Variants in GNAO1 observed in about 807,000 individuals in gnomAD.
The protein encoded by GNAO1 is G protein subunit alpha o1.
For synonymous variants in GNAO1, 164 were observed against 180.7 expected (o/e 0.91, Z 0.74); for missense variants, 166 against 478.7 (o/e 0.35, Z 6.10).
chr16:56,292,784 A>C lies in GNAO1; in HGVS notation c.303+16712A>C, dbSNP rs370698153. ...TTGCCTACTCTGAAAAGTATTTAAA[A>C]ATACTGGAGAAAGTATTAATACCTC... On this transcript the variant is annotated intron_variant, in intron 3 of 8. Coordinates refer to ENST00000262493, the MANE Select transcript of GNAO1 (RefSeq NM_020988.3). Among the ~76,000 whole-genome samples the C allele has an allele frequency of 4.6e-5, 7 of 152,354 alleles. No homozygotes were observed. The East Asian group carries it at 7.7e-4, about 17-fold the overall frequency.
At chr16:56,253,213 G>C (rs1267204964) in intron 2 of GNAO1, among the ~76,000 whole-genome samples, 2 of 152,146 alleles carry the variant, frequency 1.3e-5, no homozygotes, top group African/African-American at 4.8e-5. Flanking sequence ...CTGGTGCCAG[G>C]ACCCTTCACC....
intron 6 of GNAO1, chr16:56,347,687 C>T: frequency 1.0e-6 from 1 of 986,124 alleles, no homozygotes; most frequent in Non-Finnish European, 1.2e-6. Context: ...AGCAGAGACC[C>T]ACCGCCCTTC....
intron 4 of GNAO1, among the ~76,000 whole-genome samples, chr16:56,329,607 A>G (rs2037669293): frequency 6.6e-6 from 1 of 152,212 alleles, no homozygotes; most frequent in Non-Finnish European, 1.5e-5. Flanking sequence ...GTCTTCTGTC[A>G]TGGAGATACT....
At chr16:56,253,147 G>T (rs2036815144) in intron 2 of GNAO1, among the ~76,000 whole-genome samples, 1 of 152,166 alleles carries the variant, frequency 6.6e-6, no homozygotes, top group African/African-American at 2.4e-5. Flanking sequence ...GCCCCCTCTT[G>T]CCTGGCCCAG....
At chr16:56,241,278 G>T (rs1183624399) in intron 2 of GNAO1, among the ~76,000 whole-genome samples, 12 of 152,228 alleles carry the variant, frequency 7.9e-5, no homozygotes. Context: ...ATGAGTAGCA[G>T]TGCTGGGGAG....
At chr16:56,336,491 T>C (rs2037741289) in intron 5 of GNAO1, 2 of 448,708 alleles carry the variant, frequency 4.5e-6, no homozygotes, top group Admixed American at 7.7e-5. Context: ...GGCAGGTCTT[T>C]GAGTCATGAT....
At chr16:56,220,549 A>G (rs989370876) in intron 2 of GNAO1, among the ~76,000 whole-genome samples, 17 of 151,952 alleles carry the variant, frequency 1.1e-4, no homozygotes, top group Admixed American at 5.2e-4. Flanking sequence ...CCTTAGAAAA[A>G]TGCTCCTGCA....
intron 2 of GNAO1, among the ~76,000 whole-genome samples, chr16:56,231,119 C>G (rs537587982): frequency 1.3e-5 from 2 of 152,310 alleles, no homozygotes; most frequent in South Asian, 2.1e-4. Flanking sequence ...CAGGATGACA[C>G]CATTACCTGG....
chr16:56,344,568 T>A (rs2037843501), intron 6 of GNAO1: 8 of 986,104 alleles, frequency 8.1e-6, no homozygotes, highest in Non-Finnish European at 8.4e-6. Context: ...CCCAGAGAAC[T>A]CCCATCCCTG....
intron 3 of GNAO1, among the ~76,000 whole-genome samples, chr16:56,292,616 C>T (rs1358302206): frequency 2.6e-5 from 4 of 152,142 alleles, no homozygotes; most frequent in African/African-American, 9.7e-5. Context: ...CCCACCTCAG[C>T]CTCCCAAAGT....
chr16:56,203,224 G>A (rs1596794398), intron 2 of GNAO1, among the ~76,000 whole-genome samples: 1 of 152,064 alleles, frequency 6.6e-6, no homozygotes, highest in Non-Finnish European at 1.5e-5. Flanking sequence ...CTCCAGTGGG[G>A]CTGCCAGTCA....
intron 3 of GNAO1, among the ~76,000 whole-genome samples, chr16:56,284,982 G>C (rs1016780992): frequency 2.0e-5 from 3 of 152,212 alleles, no homozygotes; most frequent in Non-Finnish European, 2.9e-5. Context: ...AGCCTCCAGG[G>C]CTCCAGCACA....
Position 56,191,600 on chromosome 16 carries a change from C to A in GNAO1, c.-636C>A, listed in dbSNP as rs2036172547. Reference sequence around the variant, plus strand: ...GCTCTGGGAGACAGCGACGCCGCCTCCCGCTAGAGACCTGCCCCTCGGCCC... The same window carrying A: ...GCTCTGGGAGACAGCGACGCCGCCTACCGCTAGAGACCTGCCCCTCGGCCC... On this transcript the variant is annotated 5_prime_UTR_variant, in exon 1 of 9. Coordinates refer to ENST00000262493, the MANE Select transcript of GNAO1 (RefSeq NM_020988.3). The surrounding 1 kb of genome is among the most constrained non-coding windows in gnomAD (Gnocchi z 4.7). 1 of 152,812 alleles carries A rather than the reference C, an allele frequency of 6.5e-6. No homozygotes were observed. The highest frequency in any genetic ancestry group is 1.5e-5 in the Non-Finnish European group (1 of 68,410). 9.5% of individuals were successfully genotyped at this position (152,812 alleles called of 1,614,324 possible). A position where few individuals can be genotyped will look rare whatever the true frequency, so the allele number is the denominator to read the frequency against.
intron 3 of GNAO1, among the ~76,000 whole-genome samples, chr16:56,278,505 G>A (rs1216018282): frequency 6.6e-6 from 1 of 152,160 alleles, no homozygotes; most frequent in African/African-American, 2.4e-5. Flanking sequence ...GAAGAGAGTG[G>A]AAGCCACCAC....
At chr16:56,252,136 A>G (rs1301512127) in intron 2 of GNAO1, among the ~76,000 whole-genome samples, 9 of 152,250 alleles carry the variant, frequency 5.9e-5, no homozygotes, top group African/African-American at 2.2e-4. Flanking sequence ...TGATCAGGCC[A>G]AAATGTGTGT....
chr16:56,286,705 G>A (rs1211818192), intron 3 of GNAO1, among the ~76,000 whole-genome samples: 1 of 139,784 alleles, frequency 7.2e-6, no homozygotes, highest in Non-Finnish European at 1.5e-5. Context: ...CTGTGTGTGT[G>A]TGTGTGTGTG....
chr16:56,210,841 A>G (rs2036379645), intron 2 of GNAO1, among the ~76,000 whole-genome samples: 1 of 152,136 alleles, frequency 6.6e-6, no homozygotes, highest in East Asian at 1.9e-4. Context: ...TCTTTTGCAA[A>G]TATTTTCTCC....
At chr16:56,235,213 C>G (rs367730645) in intron 2 of GNAO1, 4 of 423,144 alleles carry the variant, frequency 9.5e-6, no homozygotes, top group African/African-American at 8.2e-5. Flanking sequence ...GCATTTGACT[C>G]CCTCAAAGAG....
intron 6 of GNAO1, chr16:56,344,358 G>T: frequency 4.8e-6 from 5 of 1,044,072 alleles, no homozygotes; most frequent in Non-Finnish European, 5.8e-6. Flanking sequence ...TGCTGGCAGG[G>T]TGGGGTCATA....
Sources: gnomAD v4.1 joint callset for allele counts (sites outside exome capture counted in the v4.1 genomes callset) on GRCh38, gnomAD v4.1.1 for gene constraint, Gnocchi (gnomAD v3.1) non-coding constraint, MANE v1.5 for transcripts, NCBI Gene and HGNC (gene_info 2026-07-23, HGNC 2026-07-21) for gene names.